The following PDE4B variants were observed in gnomAD, a reference collection of about 807,000 sequenced individuals.
PDE4B encodes the protein 3',5'-cyclic-AMP phosphodiesterase 4B.
Under a neutral mutation model 82.2 loss-of-function variants are expected in PDE4B, and 20 were observed. The observed-to-expected ratio is 0.24, with a 90% CI of 0.17 to 0.35. The LOEUF (loss-of-function observed/expected upper bound fraction) is 0.35. Among genes scored for constraint, PDE4B ranks in the 10% least tolerant of loss-of-function variants. The pLI, the probability that PDE4B is intolerant of heterozygous loss-of-function variation, is 1.00. For synonymous variants in PDE4B, 320 were observed against 318.9 expected, an observed-to-expected ratio of 1.00 and a Z score of -0.04; for missense variants, 655 against 907.2, an observed-to-expected ratio of 0.72 and a Z score of 3.57.
chr1:65,817,084 C>G (rs984982248), intron 1 of PDE4B, among the ~76,000 whole-genome samples: 1 of 152,066 alleles, frequency 6.6e-6, no homozygotes, highest in African/African-American at 2.4e-5. Context: ...CCTCATGATG[C>G]CTGCCTGCCA....
In PDE4B at chr1:66,224,380, G is replaced by A. The variant is rs12049505; in HGVS notation, c.282-23080G>A. ...TTCGGAGCTGGTCAGATCAATTCTT[G>A]CCTACCCAGAATTGGCTCAAGTGCA... is the stretch of plus-strand genomic sequence containing the variant. On this transcript the variant is annotated intron_variant, in intron 3 of 16. Coordinates refer to ENST00000341517, the MANE Select transcript of PDE4B (RefSeq NM_002600.4). Among the ~76,000 whole-genome samples, 1,966 of 152,186 alleles carry A rather than the reference G, an allele frequency of 0.013. 93 individuals carry two copies. In the East Asian group the frequency reaches 0.15, roughly 12 times the overall value.
At chr1:66,205,583 A>G (rs1248478387) in intron 3 of PDE4B, among the ~76,000 whole-genome samples, 1 of 152,228 alleles carries the variant, frequency 6.6e-6, no homozygotes, top group East Asian at 1.9e-4. Flanking sequence ...ATTGCTGTTA[A>G]GAACTTTGCA....
Position 66,019,103 on chromosome 1 carries a change from G to A in PDE4B, c.281+100268G>A, listed in dbSNP as rs186905528. 1.4e-4 allele frequency among the ~76,000 whole-genome samples: 21 copies of A among 152,162 alleles called. No individual in the cohort carries two copies. The East Asian group carries it at 2.5e-3, about 18-fold the overall frequency. On this transcript the variant is annotated intron_variant, in intron 3 of 16. Coordinates refer to ENST00000341517, the MANE Select transcript of PDE4B (RefSeq NM_002600.4). Reference sequence around the variant, plus strand: ...TTTTAATGACCTGGTTAATACTGATGAAAACTTTCAGTGGCAGTGCCTGGG... The same window carrying A: ...TTTTAATGACCTGGTTAATACTGATAAAAACTTTCAGTGGCAGTGCCTGGG...
At chr1:66,074,315 A>G (rs951703216) in intron 3 of PDE4B, among the ~76,000 whole-genome samples, 1 of 152,108 alleles carries the variant, frequency 6.6e-6, no homozygotes, top group Non-Finnish European at 1.5e-5. Flanking sequence ...ATTTTGCTCA[A>G]TAATTATTTT....
In PDE4B at chr1:65,913,331, G is replaced by A; in HGVS notation, c.17G>A (p.Ser6Asn). MKKSR[S>N]VMTVMADDNV... ...ACCTCTATAATGAAGAAAAGCAGGAGTGTGATGACGGTGATGGCTGATGAT... is the reference window on the plus strand; with the variant it reads ...ACCTCTATAATGAAGAAAAGCAGGAATGTGATGACGGTGATGGCTGATGAT... The change falls in exon 2 of 17, where the codon AGT becomes AAT. Residue 6 changes from serine (S) to asparagine (N), a missense_variant. By Grantham distance (46) the Ser-to-Asn change is conservative. Coordinates refer to ENST00000341517, the MANE Select transcript of PDE4B (RefSeq NM_002600.4). The A allele has an allele frequency of 6.2e-7, 1 of 1,613,728 alleles. No individual in the cohort carries two copies. The highest frequency in any genetic ancestry group is 8.5e-7 in the Non-Finnish European group (1 of 1,179,678).
rs1015713914 is a variant in PDE4B, at chr1:66,227,418, A to G, written c.282-20042A>G. Among the ~76,000 whole-genome samples the G allele has an allele frequency of 4.8e-4, 73 of 152,234 alleles. 1 individual carries two copies. The highest frequency in any genetic ancestry group is 8.2e-4 in the Non-Finnish European group (56 of 68,040). Reference sequence around the variant, plus strand: ...ATCTATATAATCAGGTTAAAATATTATGTACCTCATAAATTGATTGTGAAG... The same window carrying G: ...ATCTATATAATCAGGTTAAAATATTGTGTACCTCATAAATTGATTGTGAAG... On this transcript the variant is annotated intron_variant, in intron 3 of 16. Coordinates refer to ENST00000341517, the MANE Select transcript of PDE4B (RefSeq NM_002600.4).
intron 3 of PDE4B, among the ~76,000 whole-genome samples, chr1:66,121,468 A>G (rs1176104515): frequency 6.6e-6 from 1 of 152,164 alleles, no homozygotes; most frequent in Non-Finnish European, 1.5e-5. Context: ...CATCAACATC[A>G]GGTGTAAGGA....
intron 3 of PDE4B, among the ~76,000 whole-genome samples, chr1:66,105,637 C>T (rs939620351): frequency 1.3e-5 from 2 of 151,872 alleles, no homozygotes; most frequent in Non-Finnish European, 2.9e-5. Context: ...TTGTAGTTCT[C>T]CTTGAAGAAG....
At chr1:66,366,334 C>A (rs1446662001) in intron 13 of PDE4B, among the ~76,000 whole-genome samples, 1 of 152,036 alleles carries the variant, frequency 6.6e-6, no homozygotes, top group Non-Finnish European at 1.5e-5. Flanking sequence ...CCTGAGTGAC[C>A]AGGGGTGGTC....
At chr1:66,194,351 A>C (rs559147410) in intron 3 of PDE4B, among the ~76,000 whole-genome samples, 34 of 152,264 alleles carry the variant, frequency 2.2e-4, no homozygotes, top group African/African-American at 8.2e-4. Context: ...TGAATATGCT[A>C]TGTTAACATC....
intron 8 of PDE4B, among the ~76,000 whole-genome samples, chr1:66,343,004 T>G (rs116111966): frequency 0.05 from 7,655 of 151,822 alleles, 631 homozygotes; most frequent in African/African-American, 0.17. Flanking sequence ...AAGATCGCAC[T>G]ACTGCACTTC....
chr1:66,322,867 A>C (rs1177234731), intron 7 of PDE4B, among the ~76,000 whole-genome samples: 1 of 152,126 alleles, frequency 6.6e-6, no homozygotes, highest in Non-Finnish European at 1.5e-5. Flanking sequence ...ACTATCCCAC[A>C]AGATATGCTT....
intron 3 of PDE4B, among the ~76,000 whole-genome samples, chr1:66,123,357 C>G (rs1305603129): frequency 6.6e-6 from 1 of 152,162 alleles, no homozygotes; most frequent in Non-Finnish European, 1.5e-5. Context: ...TATGTCTGTC[C>G]AACTTGCTTT....
chr1:66,164,154 C>T (rs1646672527), intron 3 of PDE4B, among the ~76,000 whole-genome samples: 1 of 152,104 alleles, frequency 6.6e-6, no homozygotes, highest in South Asian at 2.1e-4. Context: ...CATTTGCAGA[C>T]ATAATCCTAG....
At chr1:66,193,248 G>A (rs983576666) in intron 3 of PDE4B, among the ~76,000 whole-genome samples, 13 of 152,148 alleles carry the variant, frequency 8.5e-5, no homozygotes, top group Admixed American at 7.9e-4. Context: ...TTTGGTTTGA[G>A]TCTTTGAAAA....
intron 1 of PDE4B, among the ~76,000 whole-genome samples, chr1:65,868,209 T>G (rs913541177): frequency 2.6e-5 from 4 of 152,252 alleles, no homozygotes; most frequent in Non-Finnish European, 5.9e-5. Flanking sequence ...AAAAATTCAC[T>G]GATTGATGCT....
rs144253604 is a variant in PDE4B at position 66,322,906 on chromosome 1, G to T, written c.635-9602G>T. ...CCCATTTTAGAGATGAGGAAATTAA[G>T]GCTTAGAGAAATTGAGTAACTCAAA... On this transcript the variant is annotated intron_variant, in intron 7 of 16. Coordinates refer to ENST00000341517, the MANE Select transcript of PDE4B (RefSeq NM_002600.4). 4.3e-3 allele frequency among the ~76,000 whole-genome samples: 656 copies of T among 152,184 alleles called. 5 individuals carry two copies. Among genetic ancestry groups the T allele is most frequent in the African/African-American group, 0.014 (602 of 41,546 alleles).
intron 1 of PDE4B, among the ~76,000 whole-genome samples, chr1:65,831,918 G>A (rs533041890): frequency 1.1e-4 from 17 of 152,260 alleles, no homozygotes; most frequent in Admixed American, 9.8e-4. Context: ...CTGTATGTTA[G>A]AACATATATC....
At chr1:65,991,191 C>A (rs1651222477) in intron 3 of PDE4B, among the ~76,000 whole-genome samples, 1 of 151,890 alleles carries the variant, frequency 6.6e-6, no homozygotes, top group Non-Finnish European at 1.5e-5. Context: ...GATTCTCGTG[C>A]CTCATCCTCC....
Sources: gnomAD v4.1 joint callset for allele counts (sites outside exome capture counted in the v4.1 genomes callset) on GRCh38, gnomAD v4.1.1 for gene constraint, MANE v1.5 for transcripts, NCBI Gene and HGNC (gene_info 2026-07-23, HGNC 2026-07-21) for gene names.